MECOM: variants seen among roughly 807,000 people sequenced by gnomAD.
MECOM encodes histone-lysine N-methyltransferase MECOM.
In MECOM, 13 loss-of-function variants were observed where a neutral mutation model predicts 116.3. That is an observed-to-expected ratio of 0.11 (90% CI 0.07 to 0.18). The LOEUF is 0.18. MECOM is among the 10% of genes least tolerant of loss of function. The probability of loss-of-function intolerance (pLI) is 1.00; values close to 1 mark genes in which losing one functional copy is unlikely to be tolerated. For missense variants in MECOM, 1,299 were observed against 1,509.0 expected (o/e 0.86, Z 2.31); for synonymous variants, 528 against 535.2 (o/e 0.99, Z 0.19).
chr3:169,132,600 A>AAC, intron 3 of MECOM, among the ~76,000 whole-genome samples: 1 of 152,158 alleles, frequency 6.6e-6, no homozygotes, highest in Non-Finnish European at 1.5e-5. Flanking sequence ...CAATTATATT[A>AAC]TACCACAGTA....
chr3:169,326,240 A>C (rs1445940701), intron 2 of MECOM, among the ~76,000 whole-genome samples: 5 of 152,160 alleles, frequency 3.3e-5, no homozygotes, highest in African/African-American at 1.2e-4. Context: ...ACACAGGCAA[A>C]ACATTAGAAG....
intron 1 of MECOM, chr3:169,477,101 GTGTGTATATATA>G (rs1275969251): frequency 0.11 from 5,420 of 50,092 alleles, 165 homozygotes; most frequent in Non-Finnish European, 0.13. Context: ...GTGTGTGTGT[GTGTGTATATATA>G]TATATATATA....
intron 1 of MECOM, among the ~76,000 whole-genome samples, chr3:169,578,189 T>A (rs1315429238): frequency 6.6e-6 from 1 of 152,156 alleles, no homozygotes. Context: ...AAAAGATGTG[T>A]GATATGGACT....
chr3:169,286,812 C>T (rs537207736), intron 2 of MECOM, among the ~76,000 whole-genome samples: 3 of 152,216 alleles, frequency 2.0e-5, no homozygotes, highest in East Asian at 1.9e-4. Flanking sequence ...GGAGGTAGCC[C>T]GGCAATTCCA....
intron 1 of MECOM, among the ~76,000 whole-genome samples, chr3:169,445,687 C>A (rs1159378676): frequency 6.6e-6 from 1 of 152,106 alleles, no homozygotes; most frequent in Non-Finnish European, 1.5e-5. Context: ...AATGGTAGAT[C>A]CACCGACAGC....
In MECOM at chr3:169,663,514, C is replaced by G; in HGVS notation, c.-142G>C. The G allele has an allele frequency of 1.5e-6, 1 of 679,210 alleles. No individual in the cohort carries two copies. Among genetic ancestry groups the G allele is most frequent in the Non-Finnish European group, 2.6e-6 (1 of 385,726 alleles). 42.1% of individuals were successfully genotyped at this position (679,210 alleles called of 1,614,324 possible). On this transcript the variant is annotated 5_prime_UTR_variant, in exon 1 of 17. Coordinates refer to ENST00000651503, the MANE Select transcript of MECOM (RefSeq NM_004991.4). Reference sequence around the variant, plus strand: ...TCTCTCTCTCTCTCTCTCTCTCTCTCTCTCTCTCTCTCTCTCCCTCCCTCC... The same window carrying G: ...TCTCTCTCTCTCTCTCTCTCTCTCTGTCTCTCTCTCTCTCTCCCTCCCTCC...
chr3:169,090,251 A>T lies in MECOM; in HGVS notation c.3165-15T>A, dbSNP rs1719241776. 4.6e-6 allele frequency: 7 copies of T among 1,531,692 alleles called. No individual in the cohort carries two copies. Among genetic ancestry groups the T allele is most frequent in the South Asian group, 2.5e-5 (2 of 80,962 alleles). 94.9% of individuals were successfully genotyped at this position (1,531,692 alleles called of 1,614,324 possible). On this transcript the variant is annotated splice_polypyrimidine_tract_variant and intron_variant, in intron 14 of 16. Coordinates refer to ENST00000651503, the MANE Select transcript of MECOM (RefSeq NM_004991.4). Reference sequence around the variant, plus strand: ...TGCCATTCATTCTTTCAAAAGCATTAAAAAAAAAGTCCAATTGTTGGTTTC... The same window carrying T: ...TGCCATTCATTCTTTCAAAAGCATTTAAAAAAAAGTCCAATTGTTGGTTTC...
intron 1 of MECOM, among the ~76,000 whole-genome samples, chr3:169,482,744 T>C (rs1282797786): frequency 6.6e-6 from 1 of 152,192 alleles, no homozygotes; most frequent in Non-Finnish European, 1.5e-5. Context: ...GGAACTCATA[T>C]TAACCTACTC....
intron 1 of MECOM, among the ~76,000 whole-genome samples, chr3:169,570,565 ATGAACATCAATG>A (rs1237971710): frequency 2.0e-5 from 3 of 152,350 alleles, no homozygotes; most frequent in Admixed American, 6.5e-5. Context: ...AATATCCCTG[ATGAACATCAATG>A]TGAAAATCCT....
At chr3:169,521,102 G>A (rs1173862373) in intron 1 of MECOM, among the ~76,000 whole-genome samples, 2 of 152,204 alleles carry the variant, frequency 1.3e-5, no homozygotes, top group African/African-American at 2.4e-5. Context: ...AGATAGGTGA[G>A]GCTGGAGGGA....
intron 1 of MECOM, chr3:169,613,396 C>T (rs1017768889): frequency 1.3e-5 from 2 of 152,166 alleles, no homozygotes; most frequent in African/African-American, 2.4e-5. Flanking sequence ...TAGAAGCTTC[C>T]TTCTGTCTTT....
At chr3:169,573,592 A>G (rs1211955408) in intron 1 of MECOM, among the ~76,000 whole-genome samples, 2 of 152,228 alleles carry the variant, frequency 1.3e-5, no homozygotes, top group Non-Finnish European at 2.9e-5. Flanking sequence ...TATAGACCTT[A>G]GCGGATTTCA....
intron 1 of MECOM, among the ~76,000 whole-genome samples, chr3:169,575,084 G>C (rs1211832953): frequency 6.6e-6 from 1 of 152,046 alleles, no homozygotes; most frequent in African/African-American, 2.4e-5. Context: ...ACTTACACTT[G>C]GCCTTTGTAC....
rs984197551 is a variant in MECOM, at chr3:169,441,753, G to T, written c.38-60229C>A. Among the ~76,000 whole-genome samples the T allele has an allele frequency of 2.8e-5, 3 of 108,422 alleles. 1 individual carries two copies. The highest frequency in any genetic ancestry group is 7.1e-5 in the Non-Finnish European group (3 of 42,094). The allele number at this position is 108,422 out of a possible 152,430, so 71.1% of individuals were successfully genotyped here. On this transcript the variant is annotated intron_variant, in intron 1 of 16. Coordinates refer to ENST00000651503, the MANE Select transcript of MECOM (RefSeq NM_004991.4). ...CTTTTTTTTTTTTTTTTAAAAAAGG[G>T]GGGGTCTTGCTCTGTCACCCAGGCT... is the stretch of plus-strand genomic sequence containing the variant.
intron 1 of MECOM, among the ~76,000 whole-genome samples, chr3:169,594,692 T>C (rs929528889): frequency 2.6e-5 from 4 of 151,530 alleles, no homozygotes; most frequent in Admixed American, 6.6e-5. Flanking sequence ...CTCCCACTAG[T>C]CCATCTGCAG....
chr3:169,341,470 G>A (rs1013806598), intron 2 of MECOM, among the ~76,000 whole-genome samples: 31 of 150,532 alleles, frequency 2.1e-4, no homozygotes, highest in African/African-American at 5.6e-4. Flanking sequence ...GGCCGAGCGC[G>A]GTGGCTCACG....
At chr3:169,321,903 T>C (rs150914553) in intron 2 of MECOM, among the ~76,000 whole-genome samples, 1 of 152,334 alleles carries the variant, frequency 6.6e-6, no homozygotes, top group African/African-American at 2.4e-5. Context: ...CTAATGAAAC[T>C]GGATTTCTTT....
intron 2 of MECOM, among the ~76,000 whole-genome samples, chr3:169,195,199 A>G (rs1748257086): frequency 6.6e-6 from 1 of 152,082 alleles, no homozygotes; most frequent in Non-Finnish European, 1.5e-5. Flanking sequence ...CTGCATTGTC[A>G]ATGTTCCATT....
chr3:169,564,166 T>C (rs1164421378), intron 1 of MECOM, among the ~76,000 whole-genome samples: 2 of 152,232 alleles, frequency 1.3e-5, no homozygotes. Flanking sequence ...GGGTAATTAA[T>C]ATTTTTTTAA....
Sources: gnomAD v4.1 joint callset for allele counts (sites outside exome capture counted in the v4.1 genomes callset) on GRCh38, gnomAD v4.1.1 for gene constraint, MANE v1.5 for transcripts, NCBI Gene and HGNC (gene_info 2026-07-23, HGNC 2026-07-21) for gene names.